RUNX1: variants seen among roughly 807,000 people sequenced by gnomAD.
The protein encoded by RUNX1 is RUNX family transcription factor 1.
In RUNX1, 19 loss-of-function variants were observed where a neutral mutation model predicts 42.8. The ratio of observed to expected loss-of-function variants is 0.44; its 90% CI spans 0.31 to 0.65. The LOEUF (loss-of-function observed/expected upper bound fraction) is 0.65. RUNX1 is among the 30% of genes least tolerant of loss of function. The pLI, the probability that RUNX1 is intolerant of heterozygous loss-of-function variation, is 0.07. For missense variants in RUNX1, 528 were observed against 672.0 expected, an observed-to-expected ratio of 0.79 and a Z score of 2.37; for synonymous variants, 271 against 289.4, an observed-to-expected ratio of 0.94 and a Z score of 0.64.
At chr21:34,991,984 T>A (rs937683700) in intron 2 of RUNX1, among the ~76,000 whole-genome samples, 1 of 152,076 alleles carries the variant, frequency 6.6e-6, no homozygotes, top group Non-Finnish European at 1.5e-5. Context: ...CAAGGAAGGA[T>A]TTCCCCCTAG....
intron 2 of RUNX1, among the ~76,000 whole-genome samples, chr21:35,016,457 C>T (rs1358606269): frequency 6.6e-6 from 1 of 152,096 alleles, no homozygotes; most frequent in African/African-American, 2.4e-5. Flanking sequence ...TTTGTTTTGC[C>T]CACCATACGC....
At chr21:34,803,653 T>C (rs1254994064) in intron 7 of RUNX1, among the ~76,000 whole-genome samples, 7 of 152,200 alleles carry the variant, frequency 4.6e-5, no homozygotes, top group Non-Finnish European at 1.0e-4. Context: ...ATGCAGCCAC[T>C]TTACTGAGGC....
At chr21:35,025,755 T>A (rs144545748) in intron 2 of RUNX1, among the ~76,000 whole-genome samples, 1 of 151,980 alleles carries the variant, frequency 6.6e-6, no homozygotes, top group African/African-American at 2.4e-5. Context: ...AGATGAGAGG[T>A]GTGCGGAGTG....
intron 2 of RUNX1, among the ~76,000 whole-genome samples, chr21:35,031,627 C>T (rs950811198): frequency 6.6e-5 from 10 of 151,948 alleles, no homozygotes; most frequent in South Asian, 2.1e-4. Context: ...AAGTGTCCAT[C>T]GACAGATGAA....
At chr21:34,826,936 T>A (rs905406443) in intron 7 of RUNX1, among the ~76,000 whole-genome samples, 1 of 152,164 alleles carries the variant, frequency 6.6e-6, no homozygotes, top group Admixed American at 6.5e-5. Flanking sequence ...AAAGCCTGCA[T>A]TGCCAAGAAC....
At chr21:35,018,746 T>C (rs1301172355) in intron 2 of RUNX1, among the ~76,000 whole-genome samples, 1 of 152,152 alleles carries the variant, frequency 6.6e-6, no homozygotes, top group Non-Finnish European at 1.5e-5. Context: ...CACCTCACCC[T>C]GGGACCCTTG....
rs777320434 is a variant in RUNX1 at position 34,834,592 on chromosome 21, T to A, written c.623A>T (p.Gln208Leu). The part of the protein sequence containing the change: ...DGPREPRRHR[Q>L]KLDDQTKPGS... ...GGGCTTGGTCTGATCATCTAGTTTC[T>A]GCCGATGTCCTATTGTGGGGAGCAG... Residue 208 changes from glutamine (Q) to leucine (L), a missense_variant, in exon 7 of 9, where the codon CAG becomes CTG. Physicochemically the swap from Gln to Leu is moderately radical, Grantham distance 113 (BLOSUM62 -2). Coordinates refer to ENST00000675419, the MANE Select transcript of RUNX1 (RefSeq NM_001754.5). The A allele has an allele frequency of 7.3e-6, 11 of 1,499,530 alleles. No individual in the cohort carries two copies. Among genetic ancestry groups the A allele is most frequent in the Non-Finnish European group, 9.9e-6 (11 of 1,113,422 alleles). 92.9% of individuals were successfully genotyped at this position (1,499,530 alleles called of 1,614,324 possible). A position where few individuals can be genotyped will look rare whatever the true frequency, so the allele number is the denominator to read the frequency against.
At chr21:34,950,547 C>T (rs981123891) in intron 2 of RUNX1, among the ~76,000 whole-genome samples, 7 of 152,054 alleles carry the variant, frequency 4.6e-5, no homozygotes, top group Non-Finnish European at 8.8e-5. Context: ...AAGACCAGCC[C>T]GGCCAACACG....
intron 2 of RUNX1, among the ~76,000 whole-genome samples, chr21:34,937,699 G>GAA (rs78941402): frequency 0.011 from 1,499 of 137,512 alleles, 24 homozygotes; most frequent in African/African-American, 0.033. Flanking sequence ...AGTTTCCCAT[G>GAA]AAAAAAAAAA....
intron 2 of RUNX1, among the ~76,000 whole-genome samples, chr21:35,037,307 G>A (rs535861628): frequency 6.6e-6 from 1 of 152,314 alleles, no homozygotes; most frequent in South Asian, 2.1e-4. Flanking sequence ...TTTCTTGTGG[G>A]CTGTCTGGGA....
intron 6 of RUNX1, among the ~76,000 whole-genome samples, chr21:34,845,368 T>C (rs2057300466): frequency 6.6e-6 from 1 of 152,196 alleles, no homozygotes; most frequent in African/African-American, 2.4e-5. Flanking sequence ...AGGACAGCCT[T>C]CTGTCCGGCA....
In RUNX1 at chr21:34,843,535, G is replaced by A. The variant is rs553712119; in HGVS notation, c.614-8934C>T. Among the ~76,000 whole-genome samples, 15 of 151,968 alleles carry A rather than the reference G, an allele frequency of 9.9e-5. No homozygotes were observed. The highest frequency in any genetic ancestry group is 1.2e-4 in the African/African-American group (5 of 41,432). On this transcript the variant is annotated intron_variant, in intron 6 of 8. Coordinates refer to ENST00000675419, the MANE Select transcript of RUNX1 (RefSeq NM_001754.5). This position sits in a 1 kb window ranked among gnomAD's most constrained non-coding sequence, Gnocchi z 4.8. ...ATACATCCACTCACACACACACACCGTTCTGTGATCGCCCTCAGGACATGG... is the reference window on the plus strand; with the variant it reads ...ATACATCCACTCACACACACACACCATTCTGTGATCGCCCTCAGGACATGG...
Position 34,893,019 on chromosome 21 carries a change from C to T in RUNX1, c.59-56G>A, listed in dbSNP as rs2058097591. 1.1e-5 allele frequency: 13 copies of T among 1,224,902 alleles called. 1 individual carries two copies. In the South Asian group the frequency reaches 1.3e-4, roughly 12 times the overall value. 75.9% of individuals were successfully genotyped at this position (1,224,902 alleles called of 1,614,324 possible). A position where few individuals can be genotyped will look rare whatever the true frequency, so the allele number is the denominator to read the frequency against. ...TAATGCAAGTTTAAAAATTAACTTT[C>T]CCCCGACTTTTTTTTTTTTGCTAGC... On this transcript the variant is annotated intron_variant, in intron 2 of 8. Transcript: ENST00000675419.
chr21:35,019,462 C>T (rs1412672644), intron 2 of RUNX1, among the ~76,000 whole-genome samples: 1 of 152,194 alleles, frequency 6.6e-6, no homozygotes, highest in Non-Finnish European at 1.5e-5. Flanking sequence ...TCTTTTATGT[C>T]TGTAAGAGGC....
At chr21:34,800,433 C>T (rs979461639) in intron 7 of RUNX1, among the ~76,000 whole-genome samples, 8 of 152,216 alleles carry the variant, frequency 5.3e-5, no homozygotes, top group African/African-American at 1.9e-4. Flanking sequence ...TATGTCCCAA[C>T]TTTGTGGACA....
At chr21:35,009,691 C>T (rs191559993) in intron 2 of RUNX1, among the ~76,000 whole-genome samples, 64 of 152,212 alleles carry the variant, frequency 4.2e-4, no homozygotes, top group African/African-American at 1.5e-3. Flanking sequence ...CCTGCTCATT[C>T]CTCTTGCCAG....
chr21:34,947,147 A>G (rs2058569431), intron 2 of RUNX1, among the ~76,000 whole-genome samples: 1 of 152,214 alleles, frequency 6.6e-6, no homozygotes. Flanking sequence ...TACCAAATGG[A>G]TTATAAGATG....
intron 7 of RUNX1, among the ~76,000 whole-genome samples, chr21:34,831,977 T>C (rs1195288994): frequency 1.3e-5 from 2 of 152,240 alleles, no homozygotes; most frequent in African/African-American, 4.8e-5. Context: ...TTAAAAGTTG[T>C]TCCTAAAATT....
chr21:35,040,770 CCAAAAAAAAAAAAAAA>C (rs2059352435), intron 2 of RUNX1, among the ~76,000 whole-genome samples: 1 of 50,988 alleles, frequency 2.0e-5, no homozygotes, highest in East Asian at 9.0e-4. Flanking sequence ...TAGACTCCAT[CCAAAAAAAAAAAAAAA>C]AAAAAAAACC....
Sources: allele counts gnomAD v4.1 joint callset (sites outside exome capture counted in the v4.1 genomes callset), GRCh38; gene constraint gnomAD v4.1.1; non-coding constraint Gnocchi (gnomAD v3.1); transcripts MANE v1.5; gene names NCBI Gene and HGNC (gene_info 2026-07-23, HGNC 2026-07-21).